Variants in UBE2E2 observed in about 807,000 individuals in gnomAD.
UBE2E2 encodes the protein ubiquitin conjugating enzyme E2 E2, also known as ubiquitin-conjugating enzyme E2 E2.
In UBE2E2, 6 loss-of-function variants were observed where a neutral mutation model predicts 24.7. The observed-to-expected ratio is 0.24, with a 90% CI of 0.13 to 0.48. The LOEUF (loss-of-function observed/expected upper bound fraction) is 0.48, where lower values mean the gene tolerates loss of function less well. UBE2E2 is among the 20% of genes least tolerant of loss of function. The pLI, the probability that UBE2E2 is intolerant of heterozygous loss-of-function variation, is 0.99. For synonymous variants in UBE2E2, 104 were observed against 83.6 expected (o/e 1.24, Z -1.33); for missense variants, 169 against 245.0 (o/e 0.69, Z 2.07).
At chr3:23,398,449 G>A (rs1697133393) in intron 3 of UBE2E2, among the ~76,000 whole-genome samples, 1 of 152,180 alleles carries the variant, frequency 6.6e-6, no homozygotes, top group Admixed American at 6.5e-5. Context: ...GGGAATGGCT[G>A]GCTTATCATG....
At chr3:23,565,150 C>T (rs1477797825) in intron 5 of UBE2E2, among the ~76,000 whole-genome samples, 1 of 152,118 alleles carries the variant, frequency 6.6e-6, no homozygotes, top group African/African-American at 2.4e-5. Flanking sequence ...TATAGCTTCT[C>T]TTTATGGTTC....
intron 3 of UBE2E2, among the ~76,000 whole-genome samples, chr3:23,371,915 C>G (rs533671043): frequency 6.6e-6 from 1 of 152,094 alleles, no homozygotes; most frequent in South Asian, 2.1e-4. Context: ...GTCAGGAGTT[C>G]AAGACCAGCC....
At chr3:23,497,170 A>G (rs973095855) in intron 3 of UBE2E2, among the ~76,000 whole-genome samples, 4 of 152,222 alleles carry the variant, frequency 2.6e-5, no homozygotes, top group Admixed American at 6.5e-5. Context: ...TACAGTGTAT[A>G]TCAAGTAATT....
At chr3:23,417,128 G>T (rs867064429) in intron 3 of UBE2E2, among the ~76,000 whole-genome samples, 2 of 152,162 alleles carry the variant, frequency 1.3e-5, no homozygotes, top group African/African-American at 2.4e-5. Flanking sequence ...AGGAGAAGAG[G>T]CTTTCTGGTT....
At chr3:23,555,171 C>A (rs181541322) in intron 5 of UBE2E2, among the ~76,000 whole-genome samples, 51 of 152,234 alleles carry the variant, frequency 3.4e-4, no homozygotes, top group Admixed American at 3.3e-3. Flanking sequence ...CCCGCCTCGG[C>A]CTCAAAGTGC....
chr3:23,213,493 A>C (rs564040893), intron 2 of UBE2E2, among the ~76,000 whole-genome samples: 3 of 152,076 alleles, frequency 2.0e-5, no homozygotes, highest in Non-Finnish European at 4.4e-5. Context: ...TTAAGGTATA[A>C]GGTGGAGTAA....
intron 3 of UBE2E2, among the ~76,000 whole-genome samples, chr3:23,277,365 T>G (rs1455745812): frequency 1.3e-5 from 2 of 152,134 alleles, no homozygotes; most frequent in African/African-American, 4.8e-5. Context: ...GATTTTCATT[T>G]GATAATTTGA....
chr3:23,557,942 A>C (rs1228186531), intron 5 of UBE2E2, among the ~76,000 whole-genome samples: 2 of 152,172 alleles, frequency 1.3e-5, no homozygotes, highest in Non-Finnish European at 2.9e-5. Flanking sequence ...CTTTTTGTCT[A>C]TATTGACATC....
intron 3 of UBE2E2, among the ~76,000 whole-genome samples, chr3:23,470,665 A>G (rs939639163): frequency 6.6e-6 from 1 of 152,232 alleles, no homozygotes; most frequent in African/African-American, 2.4e-5. Flanking sequence ...ACTGCATTTG[A>G]TGCCACAGTT....
chr3:23,539,667 T>A (rs577892235), intron 5 of UBE2E2, among the ~76,000 whole-genome samples: 2 of 152,324 alleles, frequency 1.3e-5, no homozygotes, highest in Admixed American at 1.3e-4. Flanking sequence ...AGAGTGGGAA[T>A]CTGTGGTTCC....
At chr3:23,464,495 G>GAT (rs200268945) in intron 3 of UBE2E2, among the ~76,000 whole-genome samples, 55 of 151,662 alleles carry the variant, frequency 3.6e-4, no homozygotes, top group South Asian at 3.6e-3. Flanking sequence ...GAATAGGGGA[G>GAT]ATATATATAT....
chr3:23,561,988 T>C (rs922060828), intron 5 of UBE2E2, among the ~76,000 whole-genome samples: 45 of 152,240 alleles, frequency 3.0e-4, no homozygotes, highest in Admixed American at 5.9e-4. Context: ...TGGGATTTTC[T>C]AGATATACAA....
intron 3 of UBE2E2, among the ~76,000 whole-genome samples, chr3:23,469,428 C>G (rs1698989036): frequency 6.6e-6 from 1 of 152,038 alleles, no homozygotes; most frequent in Non-Finnish European, 1.5e-5. Flanking sequence ...AAATTGATGC[C>G]TCTAAATTAA....
At chr3:23,519,193 A>G (rs1405747411) in intron 4 of UBE2E2, among the ~76,000 whole-genome samples, 1 of 151,726 alleles carries the variant, frequency 6.6e-6, no homozygotes, top group South Asian at 2.1e-4. Flanking sequence ...GAATTAGCAC[A>G]TTCTCAAATA....
rs568426920 is a variant in UBE2E2 at position 23,279,611 on chromosome 3, C to G, written c.227+62299C>G. ...GACAAAGATGTTTTATGTGCCATCT[C>G]TGTAAGCCAGTTGGAACCAGCTTAG... is the stretch of plus-strand genomic sequence containing the variant. On this transcript the variant is annotated intron_variant, in intron 3 of 5. Coordinates refer to ENST00000396703, the MANE Select transcript of UBE2E2 (RefSeq NM_152653.4). Among the ~76,000 whole-genome samples, 16 of 152,276 alleles carry G rather than the reference C, an allele frequency of 1.1e-4. 1 individual carries two copies. In the South Asian group the frequency reaches 3.3e-3, roughly 32 times the overall value.
At chr3:23,514,251 C>T (rs1694677261) in intron 4 of UBE2E2, among the ~76,000 whole-genome samples, 1 of 152,322 alleles carries the variant, frequency 6.6e-6, no homozygotes, top group East Asian at 1.9e-4. Context: ...CTTCTATAAA[C>T]AGTGCCACAC....
chr3:23,555,631 AATAG>A (rs1355950206), intron 5 of UBE2E2, among the ~76,000 whole-genome samples: 1 of 152,236 alleles, frequency 6.6e-6, no homozygotes, highest in Non-Finnish European at 1.5e-5. Context: ...TCAGTGGACA[AATAG>A]ATAAACTGTG....
rs1237685583 is a variant in UBE2E2, at chr3:23,482,453, G to A, written c.228-17155G>A. On this transcript the variant is annotated intron_variant, in intron 3 of 5. Transcript: ENST00000396703. ...AGCTGGGGCTACACCTCCACCAAGAGCCTTCAGAGCTCAATTAATTACCTT... is the reference window on the plus strand; with the variant it reads ...AGCTGGGGCTACACCTCCACCAAGAACCTTCAGAGCTCAATTAATTACCTT... 3.3e-5 allele frequency among the ~76,000 whole-genome samples: 5 copies of A among 152,132 alleles called. No individual in the cohort carries two copies. In the East Asian group the frequency reaches 9.7e-4, roughly 29 times the overall value.
chr3:23,418,335 C>T (rs1697699336), intron 3 of UBE2E2, among the ~76,000 whole-genome samples: 1 of 152,158 alleles, frequency 6.6e-6, no homozygotes, highest in Non-Finnish European at 1.5e-5. Context: ...CATGTGCTTC[C>T]TGGGTAACGC....
Sources: gnomAD v4.1 joint callset for allele counts (sites outside exome capture counted in the v4.1 genomes callset) on GRCh38, gnomAD v4.1.1 for gene constraint, MANE v1.5 for transcripts, NCBI Gene and HGNC (gene_info 2026-07-23, HGNC 2026-07-21) for gene names.